The following TMEM107 variants were observed in gnomAD, a reference collection of about 807,000 sequenced individuals.
TMEM107 encodes the protein transmembrane protein 107.
In TMEM107, 18 loss-of-function variants were observed where a neutral mutation model predicts 16.8. The ratio of observed to expected loss-of-function variants is 1.07; its 90% CI spans 0.74 to 1.59. The LOEUF is 1.59. Among genes scored for constraint, TMEM107 ranks in the 40% most tolerant of loss-of-function variants. TMEM107 has a pLI of 0.00. For synonymous variants in TMEM107, 68 were observed against 71.6 expected (o/e 0.95, Z 0.25); for missense variants, 152 against 175.4 (o/e 0.87, Z 0.75).
At chr17:8,175,881 C>G (rs1194579353) in intron 2 of TMEM107, 24 bp from the exon 3 acceptor site, 27 of 1,614,060 alleles carry the variant, frequency 1.7e-5, no homozygotes, top group Non-Finnish European at 2.2e-5. Context: ...GTGGACTGGC[C>G]CAGGCCTTTG....
In TMEM107 at chr17:8,176,342, TC is replaced by T; in HGVS notation, c.-57del. On this transcript the variant is annotated 5_prime_UTR_variant, in exon 1 of 5. Transcript: ENST00000437139. Reference sequence around the variant, plus strand: ...AGGCTGGAAGTTCAGAGACAGCGACTCCTGAAGTCTCCCCGCAAGCCGACAA... The same window carrying T: ...AGGCTGGAAGTTCAGAGACAGCGACTCTGAAGTCTCCCCGCAAGCCGACAA... 1 of 1,402,840 alleles carries T rather than the reference TC, an allele frequency of 7.1e-7. No homozygotes were observed. The highest frequency in any genetic ancestry group is 9.9e-7 in the Non-Finnish European group (1 of 1,012,778). The allele number at this position is 1,402,840 out of a possible 1,614,324, so 86.9% of individuals were successfully genotyped here.
chr17:8,176,209 G>A lies in TMEM107; in HGVS notation c.78C>T (p.Phe26=), dbSNP rs991836698. Residue 26 remains phenylalanine (F), a synonymous_variant, in exon 1 of 5, where the codon TTC becomes TTT. Transcript: ENST00000437139. ...CAGCCGTGGGTCTTACCCGGGACCA[G>A]AATAAGGTGATGACGACCACCAGAT... The part of the protein sequence containing the change: ...LAHLVVVITL[F]WSRDSNIQAC... 2.5e-6 allele frequency: 4 copies of A among 1,613,964 alleles called. No homozygotes were observed. Among genetic ancestry groups the A allele is most frequent in the African/African-American group, 2.7e-5 (2 of 74,916 alleles).
chr17:8,175,470 T>G, intron 3 of TMEM107: 1 of 601,210 alleles, frequency 1.7e-6, no homozygotes, highest in Non-Finnish European at 3.0e-6. Flanking sequence ...GGTGGGGTTT[T>G]TATTATTCCT....
rs1043530060 is a variant in TMEM107, at chr17:8,173,086, C to T, written c.*1117G>A. Among the ~76,000 whole-genome samples, 7 of 152,038 alleles carry T rather than the reference C, an allele frequency of 4.6e-5. No individual in the cohort carries two copies. Among genetic ancestry groups the T allele is most frequent in the Admixed American group, 1.3e-4 (2 of 15,248 alleles). ...CTCCTGCCTTGGCGACAGACCAAGA[C>T]CCTACCTCAAGGAAAAAGAAATACA... On this transcript the variant is annotated 3_prime_UTR_variant, in exon 5 of 5. Transcript: ENST00000437139.
chr17:8,173,530 A>T lies in TMEM107; in HGVS notation c.*673T>A, dbSNP rs752108301. 10 of 765,336 alleles carry T rather than the reference A, an allele frequency of 1.3e-5. No homozygotes were observed. The highest frequency in any genetic ancestry group is 1.4e-5 in the Non-Finnish European group (6 of 418,036). The allele number at this position is 765,336 out of a possible 1,614,324, so 47.4% of individuals were successfully genotyped here. On this transcript the variant is annotated 3_prime_UTR_variant, in exon 5 of 5. Transcript: ENST00000437139. ...AATCACGTTTCATGCATCTCCAATC[A>T]TCATGTTCTAATCTGCCCTCCGGAG...
intron 1 of TMEM107, 70 bp downstream of exon 1, chr17:8,176,130 G>T (rs1598277634): frequency 1.3e-6 from 2 of 1,599,848 alleles, no homozygotes; most frequent in Non-Finnish European, 8.6e-7. Context: ...ACACTGGGAG[G>T]GGGCAGGGTA....
At chr17:8,174,710 T>C in intron 3 of TMEM107, 94 bp from the exon 4 acceptor site, 1 of 1,068,480 alleles carries the variant, frequency 9.4e-7, no homozygotes, top group Non-Finnish European at 1.4e-6. Context: ...TGCATTCAGG[T>C]TCATCCCTTG....
chr17:8,176,242 G>A lies in TMEM107; in HGVS notation c.45C>T (p.Leu15=), dbSNP rs1415443773. ...TGATGACGACCACCAGATGCGCCAGGAGCGTCAGGAAGCGAGAGGGCACAA... is the reference window on the plus strand; with the variant it reads ...TGATGACGACCACCAGATGCGCCAGAAGCGTCAGGAAGCGAGAGGGCACAA... The part of the protein sequence containing the change: ...SGLVPSRFLT[L]LAHLVVVITL... The change falls in exon 1 of 5, where the codon CTC becomes CTT. Residue 15 remains leucine, a synonymous_variant. Transcript: ENST00000437139. The A allele has an allele frequency of 6.2e-7, 1 of 1,614,172 alleles. No homozygotes were observed.
intron 3 of TMEM107, chr17:8,175,438 C>T (rs1984046405): frequency 1.7e-6 from 1 of 572,114 alleles, no homozygotes; most frequent in Non-Finnish European, 3.1e-6. Context: ...GTATCTACCT[C>T]CTCCTCATTG....
Position 8,173,252 on chromosome 17 carries a change from T to C in TMEM107, c.*951A>G, listed in dbSNP as rs956271358. The C allele has an allele frequency of 7.8e-6, 4 of 511,284 alleles. No homozygotes were observed. Among genetic ancestry groups the C allele is most frequent in the Non-Finnish European group, 1.4e-5 (4 of 285,298 alleles). 31.7% of individuals were successfully genotyped at this position (511,284 alleles called of 1,614,324 possible). On this transcript the variant is annotated 3_prime_UTR_variant, in exon 5 of 5. Transcript: ENST00000437139. Reference sequence around the variant, plus strand: ...AAAGAGCCCATTTGTATTATTTCACTGCCTAAATTCCAGAAAGCAACAAAA... The same window carrying C: ...AAAGAGCCCATTTGTATTATTTCACCGCCTAAATTCCAGAAAGCAACAAAA...
Position 8,176,303 on chromosome 17 carries a change from G to C in TMEM107, c.-17C>G. On this transcript the variant is annotated 5_prime_UTR_variant, in exon 1 of 5. Coordinates refer to ENST00000437139, the MANE Select transcript of TMEM107 (RefSeq NM_183065.4). Reference sequence around the variant, plus strand: ...CCGGCCCATGGCCCTCGGGGACAAGGGCGGCGGTCTCTGAGGCTGGAAGTT... The same window carrying C: ...CCGGCCCATGGCCCTCGGGGACAAGCGCGGCGGTCTCTGAGGCTGGAAGTT... 1 of 1,609,660 alleles carries C rather than the reference G, an allele frequency of 6.2e-7. No homozygotes were observed. Among genetic ancestry groups the C allele is most frequent in the East Asian group, 2.2e-5 (1 of 44,838 alleles).
Position 8,173,443 on chromosome 17 carries a change from CGTCAGAAAGA to C in TMEM107, c.*750_*759del. ...TCAGCATAACACAAATGTAAGTGAT[CGTCAGAAAGA>C]ATCAGACAGGAGCAATCAGGGTGTT... On this transcript the variant is annotated 3_prime_UTR_variant, in exon 5 of 5. Transcript: ENST00000437139. 3 of 761,450 alleles carry C rather than the reference CGTCAGAAAGA, an allele frequency of 3.9e-6. No individual in the cohort carries two copies. The highest frequency in any genetic ancestry group is 7.2e-6 in the Non-Finnish European group (3 of 416,230). 47.2% of individuals were successfully genotyped at this position (761,450 alleles called of 1,614,324 possible). A position where few individuals can be genotyped will look rare whatever the true frequency, so the allele number is the denominator to read the frequency against.
At position 8,172,801 on chromosome 17, in the gene TMEM107, T is replaced by C. The variant is rs1467762428; in HGVS notation, c.*1402A>G. 7.3e-6 allele frequency among the ~76,000 whole-genome samples: 1 copy of C among 137,770 alleles called. No homozygotes were observed. The highest frequency in any genetic ancestry group is 1.5e-5 in the Non-Finnish European group (1 of 66,476). The allele number at this position is 137,770 out of a possible 152,430, so 90.4% of individuals were successfully genotyped here. A position where few individuals can be genotyped will look rare whatever the true frequency, so the allele number is the denominator to read the frequency against. ...GGGAGTTTGAGGCTGCAGTGAGCCA[T>C]GATCCCACCACTGCACACTGCACTC... On this transcript the variant is annotated 3_prime_UTR_variant, in exon 5 of 5. Coordinates refer to ENST00000437139, the MANE Select transcript of TMEM107 (RefSeq NM_183065.4).
chr17:8,174,686 G>A, intron 3 of TMEM107, 70 bp from the exon 4 acceptor site: 1 of 1,360,840 alleles, frequency 7.3e-7, no homozygotes, highest in East Asian at 2.3e-5. Context: ...AAGGCCAGTG[G>A]TGGGGCTGGC....
rs766994511 is a variant in TMEM107, at chr17:8,173,603, G to GA, written c.*599dup. 6 of 761,134 alleles carry GA rather than the reference G, an allele frequency of 7.9e-6. No homozygotes were observed. The highest frequency in any genetic ancestry group is 1.2e-5 in the Non-Finnish European group (5 of 415,076). 47.1% of individuals were successfully genotyped at this position (761,134 alleles called of 1,614,324 possible). On this transcript the variant is annotated 3_prime_UTR_variant, in exon 5 of 5. Coordinates refer to ENST00000437139, the MANE Select transcript of TMEM107 (RefSeq NM_183065.4). ...CACCTGACGATACAGACAAACAGCCGACATTCTGCACTCAGTGAAAAAGAT... is the reference window on the plus strand; with the variant it reads ...CACCTGACGATACAGACAAACAGCCGAACATTCTGCACTCAGTGAAAAAGAT...
At chr17:8,174,453 G>A (rs946107979) in intron 4 of TMEM107, 67 bp downstream of exon 4, 8 of 1,507,392 alleles carry the variant, frequency 5.3e-6, no homozygotes, top group African/African-American at 1.4e-5. Flanking sequence ...GGGCTGGGTA[G>A]GGGAAAAACC....
Position 8,176,030 on chromosome 17 carries a change from G to A in TMEM107, c.88-4C>T. 2 of 1,614,210 alleles carry A rather than the reference G, an allele frequency of 1.2e-6. No homozygotes were observed. Among genetic ancestry groups the A allele is most frequent in the Non-Finnish European group, 1.7e-6 (2 of 1,180,032 alleles). The stretch of plus-strand genomic sequence containing the variant: ...GGCAGGCCTGTATGTTGCTGTCCTG[G>A]GAGCAGGGCACAGGAAGAGAAGTGA... On this transcript the variant is annotated splice_region_variant and splice_polypyrimidine_tract_variant and intron_variant, in intron 1 of 4. Coordinates refer to ENST00000437139, the MANE Select transcript of TMEM107 (RefSeq NM_183065.4).
At position 8,173,674 on chromosome 17, in the gene TMEM107, T is replaced by A. The variant is rs534999794; in HGVS notation, c.*529A>T. The A allele has an allele frequency of 1.8e-5, 12 of 657,342 alleles. No homozygotes were observed. The highest frequency in any genetic ancestry group is 3.4e-5 in the South Asian group (2 of 58,300). 40.7% of individuals were successfully genotyped at this position (657,342 alleles called of 1,614,324 possible). On this transcript the variant is annotated 3_prime_UTR_variant, in exon 5 of 5. Coordinates refer to ENST00000437139, the MANE Select transcript of TMEM107 (RefSeq NM_183065.4). ...GTTCATAACGCGCTGGTATGAGCAA[T>A]CCTATTATTTAGCGTCCTTCCAGTT...
intron 3 of TMEM107, 35 bp from the exon 4 acceptor site, chr17:8,174,651 A>G (rs988023792): frequency 1.3e-6 from 2 of 1,589,974 alleles, no homozygotes; most frequent in Non-Finnish European, 1.7e-6. Context: ...AAGTCTTTGG[A>G]TCGACAGACA....
Sources: gnomAD v4.1 joint callset for allele counts (sites outside exome capture counted in the v4.1 genomes callset) on GRCh38, gnomAD v4.1.1 for gene constraint, MANE v1.5 for transcripts, NCBI Gene and HGNC (gene_info 2026-07-23, HGNC 2026-07-21) for gene names.